PRKAR2A: variants seen among roughly 807,000 people sequenced by gnomAD.
PRKAR2A encodes the protein cAMP-dependent protein kinase type II-alpha regulatory subunit.
Under a neutral mutation model 51.9 loss-of-function variants are expected in PRKAR2A, and 29 were observed. The observed-to-expected ratio is 0.56, with a 90% CI of 0.42 to 0.76. The LOEUF is 0.76. PRKAR2A is among the 30% of genes least tolerant of loss of function. The pLI, the probability that PRKAR2A is intolerant of heterozygous loss-of-function variation, is 0.00. For missense variants in PRKAR2A, 445 were observed against 512.1 expected, an observed-to-expected ratio of 0.87 and a Z score of 1.26; for synonymous variants, 178 against 186.2, an observed-to-expected ratio of 0.96 and a Z score of 0.36.
downstream of PRKAR2A, chr3:48,744,689 T>C (rs529815475): frequency 6.6e-6 from 1 of 152,280 alleles, no homozygotes; most frequent in East Asian, 1.9e-4. Context: ...GCTCCCACAG[T>C]TGGCCCTTTG....
intron 4 of PRKAR2A, among the ~76,000 whole-genome samples, chr3:48,787,627 T>C (rs1354309100): frequency 6.6e-6 from 1 of 152,236 alleles, no homozygotes; most frequent in Non-Finnish European, 1.5e-5. Context: ...GCAAGCCCCT[T>C]TTCCATTTAC....
In PRKAR2A at chr3:48,747,926, C is replaced by T. The variant is rs1402331470; in HGVS notation, c.*3659G>A. The T allele has an allele frequency of 2.0e-5, 3 of 152,218 alleles. No individual in the cohort carries two copies. The highest frequency in any genetic ancestry group is 4.4e-5 in the Non-Finnish European group (3 of 68,082). The allele number at this position is 152,218 out of a possible 1,614,324, so 9.4% of individuals were successfully genotyped here. ...CCCTGAGTTGAACTTGGCATGCCACCTTTGATTCCCCATGCTGCAAAAAGA... is the reference window on the plus strand; with the variant it reads ...CCCTGAGTTGAACTTGGCATGCCACTTTTGATTCCCCATGCTGCAAAAAGA... On this transcript the variant is annotated 3_prime_UTR_variant, in exon 11 of 11. Coordinates refer to ENST00000265563, the MANE Select transcript of PRKAR2A (RefSeq NM_004157.4).
Position 48,790,590 on chromosome 3 carries a change from A to T in PRKAR2A, c.389T>A (p.Leu130His). The T allele has an allele frequency of 6.5e-7, 1 of 1,541,044 alleles. No individual in the cohort carries two copies. Among genetic ancestry groups the T allele is most frequent in the Non-Finnish European group, 8.7e-7 (1 of 1,145,330 alleles). Residue 130 changes from leucine (L) to histidine (H), a missense_variant, in exon 4 of 11, where the codon CTT becomes CAT. Coordinates refer to ENST00000265563, the MANE Select transcript of PRKAR2A (RefSeq NM_004157.4). ...HPKTDEQRCR[L>H]QEACKDILLF... ...GAGAATATCTTTGCAAGCTTCCTGA[A>T]GTCTGCATCTCTGTTCATCAGTTTT...
intron 3 of PRKAR2A, among the ~76,000 whole-genome samples, chr3:48,792,231 T>A (rs2082401317): frequency 6.6e-6 from 1 of 151,488 alleles, no homozygotes; most frequent in South Asian, 2.1e-4. Context: ...AACCTCCACC[T>A]CCCAGGTTCA....
chr3:48,793,026 A>G lies in PRKAR2A; in HGVS notation c.351+971T>C, dbSNP rs150525173. Among the ~76,000 whole-genome samples the G allele has an allele frequency of 8.4e-4, 128 of 151,814 alleles. 1 individual carries two copies. In the East Asian group the frequency reaches 0.023, roughly 27 times the overall value. Reference sequence around the variant, plus strand: ...TTTTAAAAGCACCCAAAAATCAAACATGGTCTTGCCACAACCACTGTTAAC... The same window carrying G: ...TTTTAAAAGCACCCAAAAATCAAACGTGGTCTTGCCACAACCACTGTTAAC... On this transcript the variant is annotated intron_variant, in intron 3 of 10. Transcript: ENST00000265563.
At chr3:48,820,497 G>A (rs925159415) in intron 1 of PRKAR2A, among the ~76,000 whole-genome samples, 6 of 152,068 alleles carry the variant, frequency 3.9e-5, no homozygotes, top group Non-Finnish European at 7.4e-5. Flanking sequence ...GTGAACACTC[G>A]ATTCATATGA....
Position 48,753,179 on chromosome 3 carries a change from C to T in PRKAR2A, c.940-862G>A, listed in dbSNP as rs567663108. ...CCATCTGCTGACCTCATAATCTGCC[C>T]GCCTCGGCCTCTCAAAGTGCTGGGA... On this transcript the variant is annotated intron_variant, in intron 9 of 10. Coordinates refer to ENST00000265563, the MANE Select transcript of PRKAR2A (RefSeq NM_004157.4). Among the ~76,000 whole-genome samples, 368 of 151,386 alleles carry T rather than the reference C, an allele frequency of 2.4e-3. 3 individuals are homozygous for T. Among genetic ancestry groups the T allele is most frequent in the African/African-American group, 8.4e-3 (347 of 41,308 alleles).
chr3:48,827,984 G>C (rs1002428454), intron 1 of PRKAR2A, among the ~76,000 whole-genome samples: 8 of 151,856 alleles, frequency 5.3e-5, no homozygotes, highest in African/African-American at 1.9e-4. Flanking sequence ...CCTGCCTCAA[G>C]CCTCCCAAGT....
chr3:48,758,071 T>C (rs2081800765), intron 8 of PRKAR2A, among the ~76,000 whole-genome samples: 1 of 147,882 alleles, frequency 6.8e-6, no homozygotes, highest in Non-Finnish European at 1.5e-5. Flanking sequence ...ATAAATAAAA[T>C]ACATACATGC....
At chr3:48,815,796 G>A (rs532931529) in intron 1 of PRKAR2A, among the ~76,000 whole-genome samples, 1 of 151,622 alleles carries the variant, frequency 6.6e-6, no homozygotes, top group Non-Finnish European at 1.5e-5. Context: ...CAAAGCAGGC[G>A]GATCACAAGG....
chr3:48,778,038 T>C (rs992801372), intron 5 of PRKAR2A, among the ~76,000 whole-genome samples: 2 of 152,216 alleles, frequency 1.3e-5, no homozygotes, highest in African/African-American at 2.4e-5. Context: ...TAATGGGGCA[T>C]ATGTTTTTAT....
intron 1 of PRKAR2A, among the ~76,000 whole-genome samples, chr3:48,839,972 T>C (rs1336222227): frequency 6.6e-6 from 1 of 152,116 alleles, no homozygotes; most frequent in African/African-American, 2.4e-5. Flanking sequence ...CTTCAGAACT[T>C]TTTCATTATC....
In PRKAR2A at chr3:48,807,680, T is replaced by G; in HGVS notation, c.267A>C (p.Pro89=). 1 of 1,605,068 alleles carries G rather than the reference T, an allele frequency of 6.2e-7. No homozygotes were observed. The highest frequency in any genetic ancestry group is 8.5e-7 in the Non-Finnish European group (1 of 1,172,442). ...CTCGTCTATTAAATCTGCTAGGAAC[T>G]GGAACTGCAAAATAAAGAAGCAACA... The part of the protein sequence containing the change: ...ESEEDEDLEV[P]VPSRFNRRVS... Residue 89 remains proline (P), a synonymous_variant, in exon 2 of 11, where the codon CCA becomes CCC. Coordinates refer to ENST00000265563, the MANE Select transcript of PRKAR2A (RefSeq NM_004157.4).
chr3:48,758,311 G>A (rs1187337593), intron 8 of PRKAR2A, among the ~76,000 whole-genome samples: 1 of 151,410 alleles, frequency 6.6e-6, no homozygotes, highest in Admixed American at 6.6e-5. Context: ...TGGTGCAGTG[G>A]CTCATGCCTA....
chr3:48,790,718 G>C (rs1234866712), intron 3 of PRKAR2A, 91 bp from the exon 4 acceptor site: 2 of 729,256 alleles, frequency 2.7e-6, no homozygotes, highest in African/African-American at 3.6e-5. Flanking sequence ...CAAAAAGTGG[G>C]AAAAATAAAG....
intron 1 of PRKAR2A, among the ~76,000 whole-genome samples, chr3:48,827,757 G>A (rs919900590): frequency 6.6e-6 from 1 of 152,102 alleles, no homozygotes; most frequent in African/African-American, 2.4e-5. Context: ...TGTACACTAA[G>A]GTAGACTTTA....
rs924945347 is a variant in PRKAR2A, at chr3:48,772,891, G to C, written c.696+64C>G. The C allele has an allele frequency of 5.3e-6, 8 of 1,505,190 alleles. No homozygotes were observed. The African/African-American group carries it at 9.7e-5, about 18-fold the overall frequency. The allele number at this position is 1,505,190 out of a possible 1,614,324, so 93.2% of individuals were successfully genotyped here. Reference sequence around the variant, plus strand: ...GATATAGTGTAAATCAACAGCCCAAGGACAGAGACACAGAAAGGGAATTAA... The same window carrying C: ...GATATAGTGTAAATCAACAGCCCAACGACAGAGACACAGAAAGGGAATTAA... On this transcript the variant is annotated intron_variant, in intron 6 of 10. Coordinates refer to ENST00000265563, the MANE Select transcript of PRKAR2A (RefSeq NM_004157.4).
In PRKAR2A at chr3:48,753,861, T is replaced by C. The variant is rs548469455; in HGVS notation, c.940-1544A>G. Among the ~76,000 whole-genome samples, 35 of 152,074 alleles carry C rather than the reference T, an allele frequency of 2.3e-4. 1 individual carries two copies. Among genetic ancestry groups the C allele is most frequent in the African/African-American group, 8.4e-4 (35 of 41,508 alleles). Reference sequence around the variant, plus strand: ...CTACAAACATCACTAGTCCAAAAACTGTAAGTAAAATGACACAGACATTTC... The same window carrying C: ...CTACAAACATCACTAGTCCAAAAACCGTAAGTAAAATGACACAGACATTTC... On this transcript the variant is annotated intron_variant, in intron 9 of 10. Transcript: ENST00000265563.
At chr3:48,789,102 C>T (rs985768094) in intron 4 of PRKAR2A, among the ~76,000 whole-genome samples, 1 of 152,156 alleles carries the variant, frequency 6.6e-6, no homozygotes, top group Non-Finnish European at 1.5e-5. Context: ...AGGATAAATT[C>T]AGACCCTCCT....
Sources: allele counts gnomAD v4.1 joint callset (sites outside exome capture counted in the v4.1 genomes callset), GRCh38; gene constraint gnomAD v4.1.1; transcripts MANE v1.5; gene names NCBI Gene and HGNC (gene_info 2026-07-23, HGNC 2026-07-21).